Variants in CUL2 observed in about 807,000 individuals in gnomAD.
CUL2 encodes cullin 2.
A neutral mutation model predicts 110.2 loss-of-function variants in CUL2; 22 were observed. The ratio of observed to expected loss-of-function variants is 0.20; its 90% CI spans 0.14 to 0.28. The LOEUF is 0.28. CUL2 is among the 10% of genes least tolerant of loss of function. CUL2 has a pLI of 1.00. For synonymous variants in CUL2, 279 were observed against 293.2 expected (o/e 0.95, Z 0.49); for missense variants, 631 against 905.5 (o/e 0.70, Z 3.89).
At chr10:35,125,877 T>G (rs967530064) in intron 1 of CUL2, among the ~76,000 whole-genome samples, 5 of 152,220 alleles carry the variant, frequency 3.3e-5, no homozygotes, top group Non-Finnish European at 7.3e-5. Flanking sequence ...TCACCCAGAC[T>G]GGAGTGCAGT....
intron 1 of CUL2, among the ~76,000 whole-genome samples, chr10:35,107,214 T>C (rs2087470930): frequency 6.6e-6 from 1 of 152,032 alleles, no homozygotes; most frequent in African/African-American, 2.4e-5. Context: ...GACCTCGTGA[T>C]CCACCCACCT....
chr10:35,025,219 C>T (rs560420252), intron 16 of CUL2, 21 bp from the exon 17 acceptor site: 1 of 1,087,146 alleles, frequency 9.2e-7, no homozygotes, highest in Non-Finnish European at 1.2e-6. Context: ...AAAAAAAAAA[C>T]ACACATTATT....
intron 17 of CUL2, among the ~76,000 whole-genome samples, chr10:35,017,087 G>C (rs555511525): frequency 1.1e-4 from 16 of 152,272 alleles, no homozygotes; most frequent in African/African-American, 3.9e-4. Context: ...ACAGCCTCAA[G>C]TGCTGTCGAT....
chr10:35,105,463 G>A (rs2087442430), intron 1 of CUL2, among the ~76,000 whole-genome samples: 2 of 150,498 alleles, frequency 1.3e-5, no homozygotes, highest in Admixed American at 1.3e-4. Context: ...ATTGGGCCGG[G>A]TGCGGTGGCT....
At chr10:35,121,836 G>A (rs1458540405) in intron 1 of CUL2, among the ~76,000 whole-genome samples, 1 of 151,260 alleles carries the variant, frequency 6.6e-6, no homozygotes, top group East Asian at 1.9e-4. Flanking sequence ...ATAAAAATTA[G>A]TTTAGTTTAA....
intron 2 of CUL2, among the ~76,000 whole-genome samples, chr10:35,066,993 A>C (rs2086545269): frequency 1.3e-5 from 2 of 152,126 alleles, no homozygotes; most frequent in Non-Finnish European, 2.9e-5. Context: ...ATAGAATATA[A>C]ACTAGAAATG....
At chr10:35,117,122 C>A (rs1394634496) in intron 1 of CUL2, among the ~76,000 whole-genome samples, 3 of 152,096 alleles carry the variant, frequency 2.0e-5, no homozygotes, top group Non-Finnish European at 4.4e-5. Context: ...GGACAAAAAA[C>A]TGGTCCAAAA....
chr10:35,065,333 G>C (rs1440545755), intron 2 of CUL2, among the ~76,000 whole-genome samples: 1 of 152,118 alleles, frequency 6.6e-6, no homozygotes, highest in Non-Finnish European at 1.5e-5. Context: ...CAGGTCAAGA[G>C]ATCGAGGCCA....
intron 2 of CUL2, among the ~76,000 whole-genome samples, chr10:35,096,160 A>C (rs2087296244): frequency 6.6e-6 from 1 of 152,072 alleles, no homozygotes; most frequent in Non-Finnish European, 1.5e-5. Context: ...AGGCAGGAGA[A>C]TCACTTGAAC....
intron 1 of CUL2, among the ~76,000 whole-genome samples, chr10:35,079,055 C>T (rs994342543): frequency 6.6e-6 from 1 of 152,122 alleles, no homozygotes; most frequent in Non-Finnish European, 1.5e-5. Context: ...CAAGGGGATA[C>T]GTTTCAAGAT....
intron 1 of CUL2, among the ~76,000 whole-genome samples, chr10:35,073,300 G>A (rs1237536499): frequency 6.6e-6 from 1 of 152,126 alleles, no homozygotes; most frequent in African/African-American, 2.4e-5. Context: ...AGAACCTACT[G>A]AGTTTCCTAA....
intron 16 of CUL2, among the ~76,000 whole-genome samples, chr10:35,027,045 T>C (rs2085352687): frequency 6.6e-6 from 1 of 152,024 alleles, no homozygotes; most frequent in African/African-American, 2.4e-5. Flanking sequence ...TTTCAAACAC[T>C]GTTTAAGGGC....
At chr10:35,107,097 C>A (rs959910870) in intron 1 of CUL2, among the ~76,000 whole-genome samples, 1 of 152,132 alleles carries the variant, frequency 6.6e-6, no homozygotes, top group African/African-American at 2.4e-5. Flanking sequence ...GCCTCAGCCT[C>A]CCGAGTAGCT....
At chr10:35,114,993 C>T (rs901958120) in intron 1 of CUL2, among the ~76,000 whole-genome samples, 3 of 151,752 alleles carry the variant, frequency 2.0e-5, no homozygotes, top group African/African-American at 7.2e-5. Flanking sequence ...GGGCAGATCA[C>T]CTGAGGTCAG....
Position 35,031,488 on chromosome 10 carries a change from T to C in CUL2, c.1299+3A>G. On this transcript the variant is annotated splice_donor_region_variant and intron_variant, in intron 13 of 20. Transcript: ENST00000374749. The surrounding 1 kb of genome is among the most constrained non-coding windows in gnomAD (Gnocchi z 4.4). ...AAATGAAACTTTTCTGTTCACAACA[T>C]ACCTTTTGAAAGACGTCCTTGTCAT... 6.2e-7 allele frequency: 1 copy of C among 1,613,716 alleles called. No individual in the cohort carries two copies.
At chr10:35,079,192 T>C (rs756720081) in intron 1 of CUL2, among the ~76,000 whole-genome samples, 6 of 152,174 alleles carry the variant, frequency 3.9e-5, no homozygotes, top group Non-Finnish European at 5.9e-5. Context: ...TATAACAATA[T>C]GCTATAATAA....
At chr10:35,048,850 T>G (rs2086018774) in intron 6 of CUL2, among the ~76,000 whole-genome samples, 2 of 152,308 alleles carry the variant, frequency 1.3e-5, no homozygotes, top group South Asian at 4.1e-4. Flanking sequence ...GTGTGTGTGT[T>G]TAATCCCTTA....
chr10:35,106,460 G>A (rs1163372595), intron 1 of CUL2, among the ~76,000 whole-genome samples: 1 of 151,466 alleles, frequency 6.6e-6, no homozygotes, highest in Admixed American at 6.6e-5. Flanking sequence ...GCTGTGACTA[G>A]AGGCGCCGGC....
intron 1 of CUL2, among the ~76,000 whole-genome samples, chr10:35,108,757 T>C (rs923498173): frequency 6.6e-5 from 10 of 152,146 alleles, no homozygotes; most frequent in African/African-American, 2.2e-4. Flanking sequence ...TTGACTGTGG[T>C]TGGGGGATCC....
Sources: allele counts gnomAD v4.1 joint callset (sites outside exome capture counted in the v4.1 genomes callset), GRCh38; gene constraint gnomAD v4.1.1; non-coding constraint Gnocchi (gnomAD v3.1); transcripts MANE v1.5; gene names NCBI Gene and HGNC (gene_info 2026-07-23, HGNC 2026-07-21).